The following WIF1 variants were observed in gnomAD, a reference collection of about 807,000 sequenced individuals.
The protein encoded by WIF1 is Wnt inhibitory factor 1.
A neutral mutation model predicts 53.5 loss-of-function variants in WIF1; 35 were observed. The ratio of observed to expected loss-of-function variants is 0.65; its 90% CI spans 0.50 to 0.87. The LOEUF (loss-of-function observed/expected upper bound fraction) is 0.87. Among genes scored for constraint, WIF1 ranks in the 40% least tolerant of loss-of-function variants. WIF1 has a pLI of 0.00. For missense variants in WIF1, 467 were observed against 476.8 expected (o/e 0.98, Z 0.19); for synonymous variants, 171 against 170.4 (o/e 1.00, Z -0.03).
chr12:65,078,860 G>A (rs781068236), intron 2 of WIF1, among the ~76,000 whole-genome samples: 3 of 151,976 alleles, frequency 2.0e-5, no homozygotes, highest in Non-Finnish European at 2.9e-5. Flanking sequence ...GATTCCCACT[G>A]GATTATTAAA....
intron 3 of WIF1, among the ~76,000 whole-genome samples, chr12:65,073,194 A>G (rs1352827323): frequency 1.3e-5 from 2 of 152,210 alleles, no homozygotes; most frequent in African/African-American, 2.4e-5. Context: ...AGAAATATCC[A>G]ACATAAATAT....
At chr12:65,117,776 T>A (rs1277515121) in intron 2 of WIF1, among the ~76,000 whole-genome samples, 1 of 152,094 alleles carries the variant, frequency 6.6e-6, no homozygotes, top group Non-Finnish European at 1.5e-5. Context: ...GCAGCCTAGA[T>A]CCCTCGCATG....
intron 2 of WIF1, among the ~76,000 whole-genome samples, chr12:65,097,230 T>A (rs1458190188): frequency 6.6e-6 from 1 of 151,998 alleles, no homozygotes; most frequent in African/African-American, 2.4e-5. Flanking sequence ...CATGGCTTTA[T>A]TAATAGCTAG....
chr12:65,090,569 A>G (rs1035241884), intron 2 of WIF1, among the ~76,000 whole-genome samples: 5 of 152,154 alleles, frequency 3.3e-5, no homozygotes, highest in Admixed American at 1.3e-4. Context: ...CTTGGGGGTC[A>G]GGAACAGCTT....
intron 1 of WIF1, 121 bp downstream of exon 1, chr12:65,120,923 G>A (rs2136298056): frequency 1.6e-6 from 2 of 1,249,934 alleles, no homozygotes; most frequent in Non-Finnish European, 2.1e-6. Context: ...AATTAAAAGA[G>A]GGGAACACTC....
chr12:65,119,251 G>A (rs931252408), intron 2 of WIF1, among the ~76,000 whole-genome samples: 5 of 152,166 alleles, frequency 3.3e-5, no homozygotes, highest in Admixed American at 1.3e-4. Flanking sequence ...TGGAAACCTC[G>A]ATGAACCTAT....
intron 5 of WIF1, 124 bp from the exon 6 acceptor site, chr12:65,066,860 C>T (rs1009852903): frequency 4.8e-5 from 24 of 505,120 alleles, no homozygotes; most frequent in Non-Finnish European, 7.6e-5. Context: ...AATGATTACT[C>T]TTCAGAGATA....
chr12:65,116,297 C>T lies in WIF1; in HGVS notation c.288+4120G>A, dbSNP rs1883507892. ...AGGTGAGCAGTGGGCGAGTGTTCCC[C>T]ATCACTCGCATTACCGCCTGAGCTC... On this transcript the variant is annotated intron_variant, in intron 2 of 9. Transcript: ENST00000286574. Among the ~76,000 whole-genome samples the T allele has an allele frequency of 2.0e-5, 3 of 152,142 alleles. No individual in the cohort carries two copies. In the South Asian group the frequency reaches 6.2e-4, roughly 31 times the overall value.
At chr12:65,085,740 G>A (rs181763094) in intron 2 of WIF1, among the ~76,000 whole-genome samples, 40 of 152,294 alleles carry the variant, frequency 2.6e-4, no homozygotes, top group African/African-American at 9.1e-4. Flanking sequence ...GCTGGACTGA[G>A]GGAGTGAGGT....
Position 65,051,188 on chromosome 12 carries a change from TAAAAG to T in WIF1, c.*156_*160del. ...ATGCTACAGACGTACTTAGAAAACT[TAAAAG>T]GAAGAGTAAATATCAGCTCAGTGAT... On this transcript the variant is annotated 3_prime_UTR_variant, in exon 10 of 10. Coordinates refer to ENST00000286574, the MANE Select transcript of WIF1 (RefSeq NM_007191.5). The T allele has an allele frequency of 1.1e-6, 1 of 932,950 alleles. No homozygotes were observed. The highest frequency in any genetic ancestry group is 2.6e-5 in the South Asian group (1 of 37,760). The allele number at this position is 932,950 out of a possible 1,614,324, so 57.8% of individuals were successfully genotyped here. A position where few individuals can be genotyped will look rare whatever the true frequency, so the allele number is the denominator to read the frequency against.
intron 6 of WIF1, among the ~76,000 whole-genome samples, chr12:65,066,198 A>G (rs1882683776): frequency 6.6e-6 from 1 of 152,200 alleles, no homozygotes; most frequent in South Asian, 2.1e-4. Flanking sequence ...AGGTAGGACC[A>G]TGAGGCTAAT....
rs1882436854 is a variant in WIF1, at chr12:65,051,338, G to C, written c.*11C>G. 6 of 1,609,730 alleles carry C rather than the reference G, an allele frequency of 3.7e-6. No homozygotes were observed. In the East Asian group the frequency reaches 1.3e-4, roughly 36 times the overall value. ...ACTTGGTGTAACTTAAAACGTTTCA[G>C]ATGTCGGAGTTCACCAGATGTAATT... On this transcript the variant is annotated 3_prime_UTR_variant, in exon 10 of 10. Coordinates refer to ENST00000286574, the MANE Select transcript of WIF1 (RefSeq NM_007191.5).
intron 2 of WIF1, among the ~76,000 whole-genome samples, chr12:65,081,687 A>G (rs551220869): frequency 6.6e-6 from 1 of 152,146 alleles, no homozygotes; most frequent in Non-Finnish European, 1.5e-5. Flanking sequence ...AGCAAAAGGC[A>G]GTTACCAGAG....
At chr12:65,071,456 T>G (rs1003810245) in intron 3 of WIF1, among the ~76,000 whole-genome samples, 2 of 152,162 alleles carry the variant, frequency 1.3e-5, no homozygotes, top group Non-Finnish European at 2.9e-5. Context: ...TAACTAAAGA[T>G]GTAGTATCTT....
chr12:65,120,683 G>A (rs928174421), intron 1 of WIF1, 127 bp from the exon 2 acceptor site: 52 of 1,111,348 alleles, frequency 4.7e-5, no homozygotes, highest in Middle Eastern at 5.8e-4. Flanking sequence ...TCTGCCTTCA[G>A]TACCATCAAC....
intron 7 of WIF1, among the ~76,000 whole-genome samples, chr12:65,062,176 A>T (rs1033768167): frequency 6.6e-6 from 1 of 152,212 alleles, no homozygotes; most frequent in African/African-American, 2.4e-5. Context: ...TGGGTTCCAC[A>T]TAATGAGGAG....
chr12:65,116,592 T>C (rs1005829603), intron 2 of WIF1, among the ~76,000 whole-genome samples: 1 of 151,970 alleles, frequency 6.6e-6, no homozygotes, highest in African/African-American at 2.4e-5. Context: ...GCACTATCCA[T>C]GTAATGCACT....
chr12:65,108,786 C>T (rs976437068), intron 2 of WIF1, among the ~76,000 whole-genome samples: 1 of 152,168 alleles, frequency 6.6e-6, no homozygotes, highest in Admixed American at 6.5e-5. Context: ...GTTGAATATT[C>T]CTGGACTCTA....
chr12:65,076,696 T>C (rs1882866426), intron 3 of WIF1, among the ~76,000 whole-genome samples: 1 of 152,180 alleles, frequency 6.6e-6, no homozygotes, highest in Admixed American at 6.6e-5. Context: ...CCTATGTGCA[T>C]GGAAGTTACC....
Sources: gnomAD v4.1 joint callset for allele counts (sites outside exome capture counted in the v4.1 genomes callset) on GRCh38, gnomAD v4.1.1 for gene constraint, MANE v1.5 for transcripts, NCBI Gene and HGNC (gene_info 2026-07-23, HGNC 2026-07-21) for gene names.